Variants in TMEM108 observed in about 807,000 individuals in gnomAD.
TMEM108 encodes cancer/testis antigen 124.
TMEM108 carries 12 observed loss-of-function variants against 35.1 expected under a neutral mutation model. The ratio of observed to expected loss-of-function variants is 0.34; its 90% CI spans 0.22 to 0.55. The LOEUF (loss-of-function observed/expected upper bound fraction) is 0.55, where lower values mean the gene tolerates loss of function less well. TMEM108 is among the 20% of genes least tolerant of loss of function. The pLI is 0.89. For missense variants in TMEM108, 680 were observed against 753.3 expected (o/e 0.90, Z 1.14); for synonymous variants, 287 against 308.6 (o/e 0.93, Z 0.73).
intron 3 of TMEM108, among the ~76,000 whole-genome samples, chr3:133,278,171 T>C (rs1282856485): frequency 3.3e-5 from 5 of 152,212 alleles, no homozygotes. Context: ...TTCAGACAAA[T>C]GACCTCACAA....
intron 2 of TMEM108, among the ~76,000 whole-genome samples, chr3:133,224,341 G>A (rs1946036318): frequency 6.6e-6 from 1 of 152,086 alleles, no homozygotes; most frequent in South Asian, 2.1e-4. Flanking sequence ...ACTAATACAA[G>A]GCTGTTTTGT....
chr3:133,369,728 A>G (rs777065674), intron 3 of TMEM108, among the ~76,000 whole-genome samples: 4 of 152,232 alleles, frequency 2.6e-5, no homozygotes, highest in Non-Finnish European at 5.9e-5. Context: ...CAACTAGGCT[A>G]AAAGAGATCC....
At chr3:133,094,030 A>C (rs1324428330) in intron 2 of TMEM108, among the ~76,000 whole-genome samples, 1 of 152,170 alleles carries the variant, frequency 6.6e-6, no homozygotes, top group Non-Finnish European at 1.5e-5. Flanking sequence ...GAGTTGTTAC[A>C]GTTAATAGGT....
At chr3:133,247,145 A>G (rs1019406772) in intron 3 of TMEM108, 2 of 152,164 alleles carry the variant, frequency 1.3e-5, no homozygotes, top group African/African-American at 4.8e-5. Flanking sequence ...AGGTAGTGCT[A>G]TTTTCCAAAT....
chr3:133,171,145 T>C (rs781004981), intron 2 of TMEM108, among the ~76,000 whole-genome samples: 8 of 152,188 alleles, frequency 5.3e-5, no homozygotes, highest in Non-Finnish European at 1.0e-4. Context: ...GATGACTGGC[T>C]TTCTGTTAAT....
At chr3:133,123,823 T>C (rs760377351) in intron 2 of TMEM108, among the ~76,000 whole-genome samples, 3 of 152,250 alleles carry the variant, frequency 2.0e-5, no homozygotes, top group Non-Finnish European at 4.4e-5. Flanking sequence ...TCGGCCTAAA[T>C]TGGCAACTCT....
chr3:133,047,849 T>C (rs1411868699), intron 2 of TMEM108, among the ~76,000 whole-genome samples: 2 of 152,234 alleles, frequency 1.3e-5, no homozygotes, highest in East Asian at 3.8e-4. Context: ...TACATAGTAC[T>C]GTGTGACTCC....
At chr3:133,233,728 C>T (rs1946190449) in intron 3 of TMEM108, among the ~76,000 whole-genome samples, 1 of 150,188 alleles carries the variant, frequency 6.7e-6, no homozygotes, top group Non-Finnish European at 1.5e-5. Flanking sequence ...TAATGATCGC[C>T]ATTCTACCTG....
chr3:133,175,514 T>C (rs1945205144), intron 2 of TMEM108, among the ~76,000 whole-genome samples: 1 of 152,150 alleles, frequency 6.6e-6, no homozygotes, highest in Non-Finnish European at 1.5e-5. Flanking sequence ...TGGGGGCCAA[T>C]ATTCAACATT....
At chr3:133,293,473 C>T (rs1170195047) in intron 3 of TMEM108, among the ~76,000 whole-genome samples, 3 of 151,612 alleles carry the variant, frequency 2.0e-5, no homozygotes, top group Non-Finnish European at 4.4e-5. Context: ...GGTTTGGACA[C>T]TGTCCAGTAT....
intron 3 of TMEM108, among the ~76,000 whole-genome samples, chr3:133,231,751 A>C (rs912488236): frequency 1.4e-4 from 22 of 152,206 alleles, no homozygotes; most frequent in Admixed American, 1.2e-3. Context: ...TGTTTAAAAA[A>C]ACAAAAACAA....
At chr3:133,238,583 C>A (rs886658188) in intron 3 of TMEM108, among the ~76,000 whole-genome samples, 1 of 152,148 alleles carries the variant, frequency 6.6e-6, no homozygotes, top group Non-Finnish European at 1.5e-5. Flanking sequence ...TCTCAGCAAA[C>A]CCATCTGTAG....
chr3:133,210,362 C>T (rs1250969641), intron 2 of TMEM108, among the ~76,000 whole-genome samples: 2 of 152,262 alleles, frequency 1.3e-5, no homozygotes, highest in East Asian at 3.9e-4. Context: ...AGTCATTGTT[C>T]TAGTGTTCAC....
intron 3 of TMEM108, among the ~76,000 whole-genome samples, chr3:133,264,021 A>G (rs1348527985): frequency 2.0e-5 from 3 of 152,228 alleles, no homozygotes; most frequent in African/African-American, 7.2e-5. Context: ...GAAGTAAATA[A>G]CAGACCAAGT....
At chr3:133,179,999 C>G (rs1259732420) in intron 2 of TMEM108, among the ~76,000 whole-genome samples, 1 of 151,654 alleles carries the variant, frequency 6.6e-6, no homozygotes, top group Non-Finnish European at 1.5e-5. Flanking sequence ...TCTCGAAAAC[C>G]ATTATGAATA....
chr3:133,039,431 A>G (rs922737585), intron 1 of TMEM108, among the ~76,000 whole-genome samples: 1 of 152,168 alleles, frequency 6.6e-6, no homozygotes, highest in Non-Finnish European at 1.5e-5. Flanking sequence ...TGCTCGATGA[A>G]GACCATTTGG....
chr3:133,099,051 T>A (rs1240140434), intron 2 of TMEM108, among the ~76,000 whole-genome samples: 1 of 152,224 alleles, frequency 6.6e-6, no homozygotes, highest in Non-Finnish European at 1.5e-5. Context: ...AGGTTCTCCA[T>A]GAGGGCCCCA....
At chr3:133,049,925 T>C (rs1263961963) in intron 2 of TMEM108, among the ~76,000 whole-genome samples, 1 of 152,176 alleles carries the variant, frequency 6.6e-6, no homozygotes, top group African/African-American at 2.4e-5. Flanking sequence ...AATTATCCCC[T>C]GAAGAATTAG....
intron 2 of TMEM108, among the ~76,000 whole-genome samples, chr3:133,181,673 T>G (rs763710598): frequency 6.6e-6 from 1 of 152,108 alleles, no homozygotes; most frequent in Non-Finnish European, 1.5e-5. Context: ...AAAGTAATTA[T>G]GCTCCAAGAA....
Sources: gnomAD v4.1 joint callset for allele counts (sites outside exome capture counted in the v4.1 genomes callset) on GRCh38, gnomAD v4.1.1 for gene constraint, MANE v1.5 for transcripts, NCBI Gene and HGNC (gene_info 2026-07-23, HGNC 2026-07-21) for gene names.